Variants in HIRA observed in about 807,000 individuals in gnomAD.
The protein encoded by HIRA is protein HIRA.
A neutral mutation model predicts 126.6 loss-of-function variants in HIRA; 13 were observed. The observed-to-expected ratio is 0.10, with a 90% CI of 0.07 to 0.16. The LOEUF is 0.16. Ranked by LOEUF, HIRA falls within the 10% of genes least tolerant of loss-of-function variation. HIRA has a pLI of 1.00. For synonymous variants in HIRA, 511 were observed against 520.0 expected (o/e 0.98, Z 0.24); for missense variants, 834 against 1,314.4 (o/e 0.63, Z 5.65).
At chr22:19,403,444 C>A (rs1406928178) in intron 5 of HIRA, among the ~76,000 whole-genome samples, 1 of 151,916 alleles carries the variant, frequency 6.6e-6, no homozygotes, top group Admixed American at 6.6e-5. Context: ...CCTGTCTCTA[C>A]TAAAAATACA....
intron 21 of HIRA, among the ~76,000 whole-genome samples, 177 bp from the exon 22 acceptor site, chr22:19,354,295 T>A (rs569452142): frequency 5.1e-4 from 77 of 152,336 alleles, no homozygotes; most frequent in African/African-American, 1.8e-3. Context: ...CTGACAGGTT[T>A]CATGGTAATG....
At chr22:19,409,318 C>G (rs887915274) in intron 2 of HIRA, among the ~76,000 whole-genome samples, 23 of 150,500 alleles carry the variant, frequency 1.5e-4, no homozygotes, top group Non-Finnish European at 2.8e-4. Flanking sequence ...GAGTCTCACT[C>G]TGTCTCCCAG....
Position 19,356,944 on chromosome 22 carries a change from T to C in HIRA, c.2342A>G (p.His781Arg). 1 of 1,613,932 alleles carries C rather than the reference T, an allele frequency of 6.2e-7. No homozygotes were observed. The highest frequency in any genetic ancestry group is 1.3e-5 in the African/African-American group (1 of 74,986). The change falls in exon 19 of 25, where the codon CAT (histidine) becomes CGT (arginine). Residue 781 changes from histidine (H) to arginine (R), a missense_variant. By Grantham distance (29) the His-to-Arg change is conservative. Coordinates refer to ENST00000263208, the MANE Select transcript of HIRA (RefSeq NM_003325.4). Reference sequence around the variant, plus strand: ...CGCCATGACGTAGGAGCCTGTGCAATGCAAAGTAGAGATCGGGGATGGCAG... The same window carrying C: ...CGCCATGACGTAGGAGCCTGTGCAACGCAAAGTAGAGATCGGGGATGGCAG... ...ILLPSPISTLHCTGSYVMALT... is the reference protein window; with the variant it reads ...ILLPSPISTLRCTGSYVMALT...
At chr22:19,341,602 C>G (rs1185707624) in intron 24 of HIRA, among the ~76,000 whole-genome samples, 1 of 152,012 alleles carries the variant, frequency 6.6e-6, no homozygotes, top group Non-Finnish European at 1.5e-5. Flanking sequence ...TAAAAATAGG[C>G]AAACAGACCA....
chr22:19,390,794 T>C (rs1388308214), intron 9 of HIRA, among the ~76,000 whole-genome samples: 1 of 151,892 alleles, frequency 6.6e-6, no homozygotes, highest in African/African-American at 2.4e-5. Flanking sequence ...CTTGGTTGTA[T>C]GCCTAGGAGT....
In HIRA at chr22:19,423,323, C is replaced by T. The variant is rs192824616; in HGVS notation, c.37+8117G>A. Among the ~76,000 whole-genome samples the T allele has an allele frequency of 3.5e-3, 527 of 152,228 alleles. 3 individuals carry two copies. Among genetic ancestry groups the T allele is most frequent in the African/African-American group, 0.012 (493 of 41,530 alleles). ...TCACCAGGAAGCTCCCCTCCCACATCTCCTCTTTTCCACTTACACAGGAAA... is the reference window on the plus strand; with the variant it reads ...TCACCAGGAAGCTCCCCTCCCACATTTCCTCTTTTCCACTTACACAGGAAA... On this transcript the variant is annotated intron_variant, in intron 1 of 24. Coordinates refer to ENST00000263208, the MANE Select transcript of HIRA (RefSeq NM_003325.4).
At position 19,407,088 on chromosome 22, in the gene HIRA, G is replaced by A. The variant is rs1601850347; in HGVS notation, c.302+96C>T. ...CACTACTTATGAGGTCAGGGCTATG[G>A]GAACTTCAGTGACAGGGTAGGGAAA... is the stretch of plus-strand genomic sequence containing the variant. On this transcript the variant is annotated intron_variant, in intron 4 of 24. Transcript: ENST00000263208. 41 of 984,498 alleles carry A rather than the reference G, an allele frequency of 4.2e-5. No individual in the cohort carries two copies. The South Asian group carries it at 5.0e-4, about 12-fold the overall frequency. 61.0% of individuals were successfully genotyped at this position (984,498 alleles called of 1,614,324 possible). A position where few individuals can be genotyped will look rare whatever the true frequency, so the allele number is the denominator to read the frequency against.
At chr22:19,333,859 G>A (rs1027466039) in intron 24 of HIRA, among the ~76,000 whole-genome samples, 1 of 151,982 alleles carries the variant, frequency 6.6e-6, no homozygotes, top group African/African-American at 2.4e-5. Context: ...TTGTCTATTC[G>A]AGTCTGCTGT....
chr22:19,399,241 G>T, intron 5 of HIRA: 1 of 702,642 alleles, frequency 1.4e-6, no homozygotes, highest in Non-Finnish European at 1.7e-6. Context: ...AAACATAGCA[G>T]CAAGGTAATA....
intron 7 of HIRA, among the ~76,000 whole-genome samples, chr22:19,396,104 C>A (rs1372766328): frequency 6.6e-6 from 1 of 151,446 alleles, no homozygotes; most frequent in Non-Finnish European, 1.5e-5. Context: ...ACAAGCTGCT[C>A]TGCGGGAGGC....
chr22:19,354,463 C>G (rs2088790744), intron 21 of HIRA, among the ~76,000 whole-genome samples: 1 of 152,214 alleles, frequency 6.6e-6, no homozygotes, highest in Admixed American at 6.5e-5. Context: ...CTGCCATGGT[C>G]TGCCCACAGG....
At chr22:19,431,352 A>T in intron 1 of HIRA, 88 bp downstream of exon 1, 1 of 1,436,908 alleles carries the variant, frequency 7.0e-7, no homozygotes, top group East Asian at 2.3e-5. Context: ...CAGGGGCGAG[A>T]CAGGCAGGAC....
intron 13 of HIRA, among the ~76,000 whole-genome samples, chr22:19,380,349 A>C (rs1037850065): frequency 1.3e-5 from 2 of 152,224 alleles, no homozygotes; most frequent in Non-Finnish European, 2.9e-5. Flanking sequence ...GGTGCCATGT[A>C]GTCCTGTCTT....
chr22:19,357,108 G>A (rs782160836), intron 18 of HIRA, 57 bp from the exon 19 acceptor site: 1 of 1,591,940 alleles, frequency 6.3e-7, no homozygotes, highest in Non-Finnish European at 8.6e-7. Flanking sequence ...AGCCAAGACA[G>A]TAGCCCTGGA....
At chr22:19,375,537 G>T in intron 15 of HIRA, 94 bp downstream of exon 15, 1 of 1,359,242 alleles carries the variant, frequency 7.4e-7, no homozygotes, top group Non-Finnish European at 1.0e-6. Context: ...TCCCCAACAG[G>T]AAGGCAGGTT....
chr22:19,384,225 G>A (rs2089102872), intron 12 of HIRA, among the ~76,000 whole-genome samples: 1 of 150,308 alleles, frequency 6.7e-6, no homozygotes. Flanking sequence ...GGCTGAGGCT[G>A]AGGCAGGAGA....
rs750547846 is a variant in HIRA, at chr22:19,361,804, C to G, written c.1903G>C (p.Val635Leu). The change falls in exon 16 of 25, where the codon GTA becomes CTA. Residue 635 changes from valine (V) to leucine (L), a missense_variant. Val to Leu is a conservative substitution (Grantham distance 32). This residue lies in a region of HIRA where 468 missense variants were observed against 574.2 expected (regional missense o/e 0.82). Transcript: ENST00000263208. Reference protein sequence around the residue: ...SLSKRKLELEVETVEKKKKGR... With the variant: ...SLSKRKLELELETVEKKKKGR... Reference sequence around the variant, plus strand: ...TTCTTCTTCTTCTCTACTGTCTCTACCTCAAGCTCAAGTTTTCGCTTGGAC... The same window carrying G: ...TTCTTCTTCTTCTCTACTGTCTCTAGCTCAAGCTCAAGTTTTCGCTTGGAC... 1.2e-6 allele frequency: 2 copies of G among 1,614,132 alleles called. No individual in the cohort carries two copies.
chr22:19,352,948 A>G (rs1337324742), intron 23 of HIRA, among the ~76,000 whole-genome samples: 1 of 152,288 alleles, frequency 6.6e-6, no homozygotes, highest in African/African-American at 2.4e-5. Flanking sequence ...TAAGTGCAGG[A>G]CATCAGGCAA....
At chr22:19,337,992 G>A (rs915221207) in intron 24 of HIRA, among the ~76,000 whole-genome samples, 10 of 151,988 alleles carry the variant, frequency 6.6e-5, no homozygotes, top group African/African-American at 7.3e-5. Flanking sequence ...GGGTTTCACC[G>A]TGTTGGCCAG....
Sources: allele counts gnomAD v4.1 joint callset (sites outside exome capture counted in the v4.1 genomes callset), GRCh38; gene constraint gnomAD v4.1.1; regional missense constraint gnomAD v4.1.1; transcripts MANE v1.5; gene names NCBI Gene and HGNC (gene_info 2026-07-23, HGNC 2026-07-21).